The following CEP350 variants were observed in gnomAD, a reference collection of about 807,000 sequenced individuals.
CEP350 encodes the protein centrosome-associated protein 350.
Under a neutral mutation model 331.8 loss-of-function variants are expected in CEP350, and 126 were observed. The observed-to-expected ratio is 0.38, with a 90% CI of 0.33 to 0.44. The LOEUF is 0.44. CEP350 is among the 20% of genes least tolerant of loss of function. The probability of loss-of-function intolerance (pLI) is 1.00; values close to 1 mark genes in which losing one functional copy is unlikely to be tolerated. For missense variants in CEP350, 3,406 were observed against 3,634.6 expected (o/e 0.94, Z 1.62); for synonymous variants, 1,200 against 1,259.5 (o/e 0.95, Z 1.00).
At chr1:179,988,395 T>C (rs1386307685) in intron 3 of CEP350, among the ~76,000 whole-genome samples, 2 of 152,186 alleles carry the variant, frequency 1.3e-5, no homozygotes, top group African/African-American at 2.4e-5. Flanking sequence ...ACCAACTTCT[T>C]GAATAGACTG....
At chr1:180,075,895 C>T (rs546240143) in intron 28 of CEP350, among the ~76,000 whole-genome samples, 1 of 151,374 alleles carries the variant, frequency 6.6e-6, no homozygotes, top group African/African-American at 2.4e-5. Flanking sequence ...AGGTGGAGGT[C>T]GCAGTGAGCC....
In CEP350 at chr1:180,024,654, T is replaced by G. The variant is rs553399102; in HGVS notation, c.3550+72T>G. On this transcript the variant is annotated intron_variant, in intron 14 of 37. Coordinates refer to ENST00000367607, the MANE Select transcript of CEP350 (RefSeq NM_014810.5). ...GTTGTAGTAATCTAAAGTTATGATT[T>G]GATTGCATAAGAAGTTAGAAGAATT... 15 of 1,483,294 alleles carry G rather than the reference T, an allele frequency of 1.0e-5. No homozygotes were observed. In the South Asian group the frequency reaches 2.0e-4, roughly 20 times the overall value. 91.9% of individuals were successfully genotyped at this position (1,483,294 alleles called of 1,614,324 possible). A position where few individuals can be genotyped will look rare whatever the true frequency, so the allele number is the denominator to read the frequency against.
At position 180,043,370 on chromosome 1, in the gene CEP350, T is replaced by C. The variant is rs1473112360; in HGVS notation, c.4499+178T>C. Among the ~76,000 whole-genome samples, 3 of 152,232 alleles carry C rather than the reference T, an allele frequency of 2.0e-5. No individual in the cohort carries two copies. In the East Asian group the frequency reaches 5.8e-4, roughly 29 times the overall value. On this transcript the variant is annotated intron_variant, in intron 20 of 37. Transcript: ENST00000367607. ...TCAAATATTCAGTTAAGTGAATGAATACTTATACACTGATTTAAGTGTTAT... is the reference window on the plus strand; with the variant it reads ...TCAAATATTCAGTTAAGTGAATGAACACTTATACACTGATTTAAGTGTTAT...
intron 8 of CEP350, among the ~76,000 whole-genome samples, chr1:180,008,984 CA>C (rs1332782086): frequency 1.3e-5 from 2 of 152,196 alleles, no homozygotes; most frequent in Non-Finnish European, 2.9e-5. Context: ...GTTACAAAAA[CA>C]TGAGTTATCT....
chr1:179,955,122 G>A lies in CEP350; in HGVS notation c.-34G>A. 1 of 1,473,158 alleles carries A rather than the reference G, an allele frequency of 6.8e-7. No individual in the cohort carries two copies. The highest frequency in any genetic ancestry group is 9.0e-7 in the Non-Finnish European group (1 of 1,114,076). The allele number at this position is 1,473,158 out of a possible 1,614,324, so 91.3% of individuals were successfully genotyped here. On this transcript the variant is annotated 5_prime_UTR_variant, in exon 1 of 38. Transcript: ENST00000367607. The stretch of plus-strand genomic sequence containing the variant: ...CCGCGGGATGCACCGTGGTAGCCGA[G>A]GGCGGAGGCGACACTCTCAGGTGAG...
At chr1:179,957,313 TTG>T (rs1650240146) in intron 1 of CEP350, among the ~76,000 whole-genome samples, 1 of 152,196 alleles carries the variant, frequency 6.6e-6, no homozygotes, top group Non-Finnish European at 1.5e-5. Context: ...CTGCATATAA[TTG>T]TGATTGTTAT....
intron 1 of CEP350, among the ~76,000 whole-genome samples, chr1:179,956,087 A>G (rs1305328248): frequency 6.6e-6 from 1 of 152,200 alleles, no homozygotes; most frequent in Non-Finnish European, 1.5e-5. Context: ...TCTTCGTTTA[A>G]TATATTGTTT....
In CEP350 at chr1:180,093,395, T is replaced by C; in HGVS notation, c.7290T>C (p.Gly2430=). ...CTACAAGTGGAGCCACTAGCTTTGG[T>C]AGTAATGAGGAAATCAGTGAGTGCC... ...RSSTSGATSF[G]SNEEISECLS... Residue 2430 remains glycine (G), a synonymous_variant, in exon 34 of 38, where the codon GGT becomes GGC. Coordinates refer to ENST00000367607, the MANE Select transcript of CEP350 (RefSeq NM_014810.5). The C allele has an allele frequency of 6.3e-7, 1 of 1,599,218 alleles. No homozygotes were observed. Among genetic ancestry groups the C allele is most frequent in the Non-Finnish European group, 8.5e-7 (1 of 1,172,510 alleles).
intron 22 of CEP350, among the ~76,000 whole-genome samples, chr1:180,049,193 TTAATATTTACTAAACTTTATCTCAA>T (rs1294598234): frequency 6.6e-6 from 1 of 152,230 alleles, no homozygotes; most frequent in Non-Finnish European, 1.5e-5. Context: ...CTTTATCTCA[TTAATATTTACTAAACTTTATCTCAA>T]TAATATAGTG....
At chr1:179,974,620 C>G (rs1314850772) in intron 1 of CEP350, among the ~76,000 whole-genome samples, 1 of 152,126 alleles carries the variant, frequency 6.6e-6, no homozygotes, top group African/African-American at 2.4e-5. Flanking sequence ...CATAAGTGCT[C>G]AGTGAATGTT....
At chr1:180,028,484 A>T (rs931424430) in intron 14 of CEP350, among the ~76,000 whole-genome samples, 1 of 152,174 alleles carries the variant, frequency 6.6e-6, no homozygotes, top group Admixed American at 6.5e-5. Flanking sequence ...GATATACTGC[A>T]CAATTTTGAA....
chr1:179,985,696 G>A (rs10913920), intron 1 of CEP350, among the ~76,000 whole-genome samples: 12,673 of 152,206 alleles, frequency 0.083, 704 homozygotes, highest in Non-Finnish European at 0.12. Context: ...GGAAATGCCA[G>A]ACGCTTATAA....
intron 17 of CEP350, among the ~76,000 whole-genome samples, chr1:180,038,274 T>C (rs1315491842): frequency 3.3e-5 from 5 of 152,158 alleles, no homozygotes; most frequent in Non-Finnish European, 5.9e-5. Flanking sequence ...AATATCACAA[T>C]TTGTTTATCA....
chr1:179,981,002 CTT>C (rs1358486038), intron 1 of CEP350, among the ~76,000 whole-genome samples: 1 of 152,066 alleles, frequency 6.6e-6, no homozygotes, highest in Non-Finnish European at 1.5e-5. Flanking sequence ...GCAATGTTTG[CTT>C]TTTATTAATA....
At chr1:179,986,532 C>CA (rs1475821265) in intron 2 of CEP350, among the ~76,000 whole-genome samples, 1 of 152,076 alleles carries the variant, frequency 6.6e-6, no homozygotes, top group East Asian at 1.9e-4. Flanking sequence ...GATATAGCCC[C>CA]AATATAGTTA....
At position 180,065,181 on chromosome 1, in the gene CEP350, A is replaced by C; in HGVS notation, c.5476A>C (p.Thr1826Pro). The change falls in exon 27 of 38, where the codon ACC becomes CCC. Residue 1826 changes from threonine (T) to proline (P), a missense_variant. Physicochemically the swap from Thr to Pro is conservative, Grantham distance 38. Around this residue, in one of 5 missense-constraint regions of CEP350, gnomAD observed 1,415 missense variants for 1,512.3 expected, o/e 0.94. Transcript: ENST00000367607. ...CAGTCCTGGTCCAACTGACTTGGAG[A>C]CCCGCAGTCCTTCTCCCATTTCAAT... Reference protein sequence around the residue: ...ATSPGPTDLETRSPSPISISS... With the variant: ...ATSPGPTDLEPRSPSPISISS... The C allele has an allele frequency of 6.2e-7, 1 of 1,613,784 alleles. No individual in the cohort carries two copies. The highest frequency in any genetic ancestry group is 8.5e-7 in the Non-Finnish European group (1 of 1,179,788).
intron 7 of CEP350, among the ~76,000 whole-genome samples, chr1:180,003,886 A>T (rs1183473090): frequency 6.6e-6 from 1 of 152,100 alleles, no homozygotes; most frequent in African/African-American, 2.4e-5. Flanking sequence ...TGGATAGAGT[A>T]ATTAAGAATT....
chr1:180,031,690 G>T (rs1656032242), intron 15 of CEP350, among the ~76,000 whole-genome samples, 196 bp downstream of exon 15: 1 of 151,920 alleles, frequency 6.6e-6, no homozygotes, highest in South Asian at 2.1e-4. Context: ...TTAGAATATG[G>T]TTATGTATCA....
chr1:180,090,259 T>G (rs1660090512), intron 32 of CEP350, among the ~76,000 whole-genome samples: 2 of 151,778 alleles, frequency 1.3e-5, no homozygotes, highest in South Asian at 4.2e-4. Context: ...GAAATAGGCT[T>G]GATGAGGCCG....
Sources: allele counts gnomAD v4.1 joint callset (sites outside exome capture counted in the v4.1 genomes callset), GRCh38; gene constraint gnomAD v4.1.1; regional missense constraint gnomAD v4.1.1; transcripts MANE v1.5; gene names NCBI Gene and HGNC (gene_info 2026-07-23, HGNC 2026-07-21).